The following CSMD2 variants were observed in gnomAD, a reference collection of about 807,000 sequenced individuals.
CSMD2 encodes the protein CUB and Sushi multiple domains 2.
CSMD2 carries 130 observed loss-of-function variants against 398.5 expected under a neutral mutation model. The ratio of observed to expected loss-of-function variants is 0.33; its 90% CI spans 0.28 to 0.38. CSMD2 has a LOEUF of 0.38. CSMD2 is among the 10% of genes least tolerant of loss of function. CSMD2 has a pLI of 1.00. For missense variants in CSMD2, 3,829 were observed against 4,764.9 expected, an observed-to-expected ratio of 0.80 and a Z score of 5.78; for synonymous variants, 1,828 against 1,908.5, an observed-to-expected ratio of 0.96 and a Z score of 1.10.
chr1:33,596,550 G>C (rs1323602213), intron 44 of CSMD2, among the ~76,000 whole-genome samples: 1 of 152,184 alleles, frequency 6.6e-6, no homozygotes, highest in African/African-American at 2.4e-5. Flanking sequence ...AGCATGGCTG[G>C]GGAGGCCTTA....
chr1:33,768,778 C>A (rs1569834561), intron 13 of CSMD2, among the ~76,000 whole-genome samples: 1 of 152,248 alleles, frequency 6.6e-6, no homozygotes, highest in East Asian at 1.9e-4. Context: ...CCCAAGGATC[C>A]AATTTTCCCT....
rs889643259 is a variant in CSMD2, at chr1:33,616,839, C to T, written c.6016+67G>A. The T allele has an allele frequency of 4.1e-6, 5 of 1,223,244 alleles. No individual in the cohort carries two copies. The African/African-American group carries it at 7.4e-5, about 18-fold the overall frequency. 75.8% of individuals were successfully genotyped at this position (1,223,244 alleles called of 1,614,324 possible). ...TGATTTGAACTTGAACTCAATGATA[C>T]ACTACTGAGCTAAGATCCCTGAGAG... On this transcript the variant is annotated intron_variant, in intron 39 of 70. Transcript: ENST00000373381.
At chr1:33,699,036 G>T in intron 23 of CSMD2, 92 bp from the exon 24 acceptor site, 1 of 1,115,828 alleles carries the variant, frequency 9.0e-7, no homozygotes, top group Non-Finnish European at 1.3e-6. Context: ...CCTCAAGGAA[G>T]CTGTCTCAGC....
At chr1:33,520,418 G>T (rs1654159498) in intron 68 of CSMD2, among the ~76,000 whole-genome samples, 1 of 152,068 alleles carries the variant, frequency 6.6e-6, no homozygotes, top group Non-Finnish European at 1.5e-5. Context: ...CCTGCAGACT[G>T]GGAAGGCTCA....
Position 33,611,167 on chromosome 1 carries a change from G to A in CSMD2, c.6217C>T (p.Arg2073Cys), listed in dbSNP as rs776344613. 19 of 1,614,000 alleles carry A rather than the reference G, an allele frequency of 1.2e-5. No individual in the cohort carries two copies. Among genetic ancestry groups the A allele is most frequent in the Admixed American group, 1.7e-5 (1 of 60,004 alleles). ...CTTCCACTGAATCTTCCCATCATGC[G>A]GCTGGTCTCATAGGGGCCATTCCGG... ...EIRNGPYETS[R>C]MMGRFSGSEL... Residue 2073 changes from arginine (R) to cysteine (C), a missense_variant, in exon 41 of 71, where the codon CGC becomes TGC. Transcript: ENST00000373381.
intron 12 of CSMD2, among the ~76,000 whole-genome samples, chr1:33,782,274 C>A (rs1652881430): frequency 6.6e-6 from 1 of 151,848 alleles, no homozygotes. Context: ...AAAATGGAGG[C>A]AGAGGTAATT....
intron 3 of CSMD2, among the ~76,000 whole-genome samples, chr1:33,994,718 C>T (rs982308690): frequency 6.6e-6 from 1 of 152,166 alleles, no homozygotes; most frequent in African/African-American, 2.4e-5. Context: ...CACTGATGGG[C>T]CCAGGAATCT....
chr1:33,676,494 T>C (rs1404095161), intron 25 of CSMD2, among the ~76,000 whole-genome samples: 2 of 152,240 alleles, frequency 1.3e-5, no homozygotes, highest in Non-Finnish European at 2.9e-5. Context: ...TCCATGCTCA[T>C]GGGTAGGAAG....
chr1:33,996,463 T>C (rs539783078), intron 3 of CSMD2, among the ~76,000 whole-genome samples: 1 of 152,308 alleles, frequency 6.6e-6, no homozygotes, highest in South Asian at 2.1e-4. Flanking sequence ...ACAAACAGAA[T>C]GTCTTGGCAG....
At chr1:34,092,906 A>G (rs1658803243) in intron 1 of CSMD2, among the ~76,000 whole-genome samples, 1 of 152,020 alleles carries the variant, frequency 6.6e-6, no homozygotes, top group Non-Finnish European at 1.5e-5. Context: ...GGAGCCCACC[A>G]CAGCTCAAGG....
intron 42 of CSMD2, 119 bp from the exon 43 acceptor site, chr1:33,602,665 G>T: frequency 2.2e-6 from 2 of 923,192 alleles, no homozygotes; most frequent in Non-Finnish European, 3.1e-6. Flanking sequence ...GAGGTTGGGT[G>T]GGATGCGGAA....
chr1:33,527,468 G>A (rs1222326888), intron 64 of CSMD2, among the ~76,000 whole-genome samples: 1 of 152,118 alleles, frequency 6.6e-6, no homozygotes, highest in Admixed American at 6.5e-5. Context: ...GAATTACAGA[G>A]GAAGTCCATT....
At chr1:34,031,595 C>T (rs189412317) in intron 3 of CSMD2, among the ~76,000 whole-genome samples, 269 of 152,104 alleles carry the variant, frequency 1.8e-3, no homozygotes, top group Non-Finnish European at 2.5e-3. Flanking sequence ...CAAACCATCT[C>T]CCCTATACCC....
At position 33,553,164 on chromosome 1, in the gene CSMD2, GT is replaced by G. The variant is rs11374390; in HGVS notation, c.8744-2815del. Among the ~76,000 whole-genome samples the G allele has an allele frequency of 9.2e-5, 14 of 151,938 alleles. No individual in the cohort carries two copies. The East Asian group carries it at 9.7e-4, about 10-fold the overall frequency. On this transcript the variant is annotated intron_variant, in intron 55 of 70. Coordinates refer to ENST00000373381, the MANE Select transcript of CSMD2 (RefSeq NM_001281956.2). ...TGCTTTAGTGTGCTTTACAGATGTT[GT>G]TTTTTTTACAAATGAAAGGTTTTTG...
rs376305736 is a variant in CSMD2, at chr1:33,820,560, C to T, written c.1112-4G>A. 10 of 442,590 alleles carry T rather than the reference C, an allele frequency of 2.3e-5. No homozygotes were observed. Among genetic ancestry groups the T allele is most frequent in the Non-Finnish European group, 3.3e-5 (9 of 274,556 alleles). The allele number at this position is 442,590 out of a possible 1,614,324, so 27.4% of individuals were successfully genotyped here. On this transcript the variant is annotated splice_polypyrimidine_tract_variant and splice_region_variant and intron_variant, in intron 7 of 70. Transcript: ENST00000373381. The stretch of plus-strand genomic sequence containing the variant: ...TGGGACACACCAACCTGAGTTACTA[C>T]AAGGCAAAAAAAAAAAAAAAAAAAA...
chr1:33,618,769 T>C (rs1641565663), intron 37 of CSMD2, among the ~76,000 whole-genome samples: 1 of 151,968 alleles, frequency 6.6e-6, no homozygotes, highest in Non-Finnish European at 1.5e-5. Flanking sequence ...ACATCCCATT[T>C]CACAGATGAG....
intron 1 of CSMD2, among the ~76,000 whole-genome samples, chr1:34,157,478 A>T (rs1302105122): frequency 6.6e-6 from 1 of 151,638 alleles, no homozygotes; most frequent in Non-Finnish European, 1.5e-5. Flanking sequence ...CCTCTATCTC[A>T]TGCCATTCTA....
intron 1 of CSMD2, among the ~76,000 whole-genome samples, chr1:34,126,098 T>C (rs1326247256): frequency 6.6e-6 from 1 of 152,206 alleles, no homozygotes. Flanking sequence ...CCCACTCCAG[T>C]TGCCCACAGC....
intron 44 of CSMD2, among the ~76,000 whole-genome samples, chr1:33,589,328 G>C (rs1028863270): frequency 6.6e-6 from 1 of 152,164 alleles, no homozygotes; most frequent in Non-Finnish European, 1.5e-5. Flanking sequence ...GATTGTCTAT[G>C]GAGGGCTCAC....
Sources: allele counts gnomAD v4.1 joint callset (sites outside exome capture counted in the v4.1 genomes callset), GRCh38; gene constraint gnomAD v4.1.1; transcripts MANE v1.5; gene names NCBI Gene and HGNC (gene_info 2026-07-23, HGNC 2026-07-21).